The following FSTL5 variants were observed in gnomAD, a reference collection of about 807,000 sequenced individuals.
The protein encoded by FSTL5 is follistatin-related protein 5.
A neutral mutation model predicts 89.1 loss-of-function variants in FSTL5; 62 were observed. The ratio of observed to expected loss-of-function variants is 0.70; its 90% CI spans 0.57 to 0.86. FSTL5 has a LOEUF of 0.86. FSTL5 is among the 40% of genes least tolerant of loss of function. The pLI, the probability that FSTL5 is intolerant of heterozygous loss-of-function variation, is 0.00. For missense variants in FSTL5, 1,057 were observed against 1,001.6 expected (o/e 1.06, Z -0.75); for synonymous variants, 383 against 346.2 (o/e 1.11, Z -1.18).
At chr4:161,727,518 C>A (rs1465778300) in intron 6 of FSTL5, among the ~76,000 whole-genome samples, 2 of 152,104 alleles carry the variant, frequency 1.3e-5, no homozygotes, top group East Asian at 3.9e-4. Flanking sequence ...ACCATTTCAC[C>A]TTAGTCATTT....
intron 3 of FSTL5, among the ~76,000 whole-genome samples, chr4:161,998,089 G>A (rs910801319): frequency 6.6e-6 from 1 of 152,082 alleles, no homozygotes; most frequent in Admixed American, 6.6e-5. Flanking sequence ...CTACACGGAG[G>A]AAAAGATTCT....
At position 161,621,890 on chromosome 4, in the gene FSTL5, C is replaced by T. The variant is rs554416484; in HGVS notation, c.895-34315G>A. Among the ~76,000 whole-genome samples, 13 of 150,568 alleles carry T rather than the reference C, an allele frequency of 8.6e-5. No individual in the cohort carries two copies. In the South Asian group the frequency reaches 1.3e-3, roughly 15 times the overall value. On this transcript the variant is annotated intron_variant, in intron 7 of 15. Coordinates refer to ENST00000306100, the MANE Select transcript of FSTL5 (RefSeq NM_020116.5). Reference sequence around the variant, plus strand: ...GTGCATGTCAATATTCCCAGGTACTCGGGAGGCTGAGTCAGGAGGATCCTT... The same window carrying T: ...GTGCATGTCAATATTCCCAGGTACTTGGGAGGCTGAGTCAGGAGGATCCTT...
At chr4:161,473,495 A>G (rs780043075) in intron 13 of FSTL5, among the ~76,000 whole-genome samples, 5 of 151,018 alleles carry the variant, frequency 3.3e-5, no homozygotes, top group Admixed American at 2.6e-4. Context: ...GCACAACCAA[A>G]GGTCACTGCA....
chr4:162,124,197 A>G (rs1008756263), intron 1 of FSTL5, among the ~76,000 whole-genome samples: 7 of 152,232 alleles, frequency 4.6e-5, no homozygotes, highest in Non-Finnish European at 8.8e-5. Flanking sequence ...GACGCCTCTA[A>G]TTAAATTTAG....
At chr4:161,884,385 A>G (rs2163490) in intron 4 of FSTL5, among the ~76,000 whole-genome samples, 144,712 of 152,254 alleles carry the variant, frequency 0.95, 69,154 homozygotes, top group Non-Finnish European at 1. Context: ...CTATACAAAT[A>G]TAAGGAATTA....
intron 12 of FSTL5, among the ~76,000 whole-genome samples, chr4:161,494,616 G>A (rs1729999818): frequency 6.6e-6 from 1 of 152,068 alleles, no homozygotes; most frequent in Non-Finnish European, 1.5e-5. Context: ...CTAACAGACT[G>A]GTAACAGTAG....
chr4:161,739,991 A>G (rs1739950705), intron 6 of FSTL5, among the ~76,000 whole-genome samples: 1 of 149,674 alleles, frequency 6.7e-6, no homozygotes, highest in South Asian at 2.2e-4. Flanking sequence ...AAAATAGGAT[A>G]GTATCTATTT....
chr4:161,488,263 T>C (rs951708827), intron 12 of FSTL5, among the ~76,000 whole-genome samples: 3 of 152,126 alleles, frequency 2.0e-5, no homozygotes, highest in African/African-American at 7.2e-5. Context: ...GTCTTTCTCA[T>C]ATTAGTCAGA....
intron 12 of FSTL5, among the ~76,000 whole-genome samples, chr4:161,497,168 A>G (rs1332970375): frequency 6.6e-6 from 1 of 152,172 alleles, no homozygotes. Flanking sequence ...CTATTGCTGT[A>G]TACTTGCATG....
Position 161,794,674 on chromosome 4 carries a change from G to C in FSTL5, c.410-18600C>G, listed in dbSNP as rs571780627. On this transcript the variant is annotated intron_variant, in intron 4 of 15. Coordinates refer to ENST00000306100, the MANE Select transcript of FSTL5 (RefSeq NM_020116.5). ...TAAATCACATTTTATCTCTCTCTCT[G>C]TCTTTACCTTTTAAGTTTTAGAATG... is the stretch of plus-strand genomic sequence containing the variant. Among the ~76,000 whole-genome samples, 10 of 152,004 alleles carry C rather than the reference G, an allele frequency of 6.6e-5. No homozygotes were observed. The East Asian group carries it at 1.9e-3, about 29-fold the overall frequency.
chr4:161,454,778 T>C (rs1251197484), intron 15 of FSTL5, among the ~76,000 whole-genome samples: 5 of 152,210 alleles, frequency 3.3e-5, no homozygotes, highest in Admixed American at 3.3e-4. Context: ...AAAACTGTAT[T>C]TTCACAAATT....
Position 161,974,290 on chromosome 4 carries a change from C to T in FSTL5, c.161-53638G>A, listed in dbSNP as rs185223701. On this transcript the variant is annotated intron_variant, in intron 3 of 15. Transcript: ENST00000306100. Reference sequence around the variant, plus strand: ...GTTCACATGGAACCAAAAAAGAGCCCGCATCGCCAAGTAAGCCAAAAGAAC... The same window carrying T: ...GTTCACATGGAACCAAAAAAGAGCCTGCATCGCCAAGTAAGCCAAAAGAAC... Among the ~76,000 whole-genome samples, 564 of 152,166 alleles carry T rather than the reference C, an allele frequency of 3.7e-3. 3 individuals carry two copies. The highest frequency in any genetic ancestry group is 0.016 in the South Asian group (78 of 4,822).
chr4:161,680,927 T>C (rs1737497971), intron 6 of FSTL5, among the ~76,000 whole-genome samples: 1 of 152,022 alleles, frequency 6.6e-6, no homozygotes, highest in Non-Finnish European at 1.5e-5. Context: ...AGTTCCTTTT[T>C]GGTATTAAAG....
chr4:161,870,730 G>A (rs558034208), intron 4 of FSTL5, among the ~76,000 whole-genome samples: 1 of 152,218 alleles, frequency 6.6e-6, no homozygotes, highest in East Asian at 1.9e-4. Context: ...AGTAAGCTAA[G>A]TGTTGGATGC....
intron 2 of FSTL5, among the ~76,000 whole-genome samples, chr4:162,075,771 T>C (rs1468208877): frequency 6.6e-6 from 1 of 151,866 alleles, no homozygotes; most frequent in East Asian, 1.9e-4. Flanking sequence ...ATATAGATGC[T>C]GCACACTTTC....
intron 4 of FSTL5, among the ~76,000 whole-genome samples, chr4:161,849,225 C>A (rs1270054570): frequency 6.6e-6 from 1 of 152,108 alleles, no homozygotes; most frequent in East Asian, 1.9e-4. Context: ...CAGAATATTT[C>A]TTCAGAAAGA....
At chr4:161,644,927 G>T (rs1736096502) in intron 7 of FSTL5, among the ~76,000 whole-genome samples, 1 of 152,160 alleles carries the variant, frequency 6.6e-6, no homozygotes, top group African/African-American at 2.4e-5. Flanking sequence ...AAGATTTTGT[G>T]ACAGATTAGA....
chr4:161,742,387 T>C (rs899067353), intron 6 of FSTL5, among the ~76,000 whole-genome samples: 1 of 152,194 alleles, frequency 6.6e-6, no homozygotes, highest in African/African-American at 2.4e-5. Context: ...AAGACTCATA[T>C]TGAGGACAGA....
intron 15 of FSTL5, among the ~76,000 whole-genome samples, chr4:161,420,914 AT>A (rs1731967265): frequency 6.6e-6 from 1 of 151,450 alleles, no homozygotes; most frequent in Non-Finnish European, 1.5e-5. Context: ...TATATATGGT[AT>A]TGGTTCTGTT....
Sources: allele counts gnomAD v4.1 joint callset (sites outside exome capture counted in the v4.1 genomes callset), GRCh38; gene constraint gnomAD v4.1.1; transcripts MANE v1.5; gene names NCBI Gene and HGNC (gene_info 2026-07-23, HGNC 2026-07-21).